ZNF16: variants seen among roughly 807,000 people sequenced by gnomAD.
ZNF16 encodes the protein zinc finger protein 16.
In ZNF16, 7 loss-of-function variants were observed where a neutral mutation model predicts 9.0. The observed-to-expected ratio is 0.78, with a 90% CI of 0.44 to 1.47. ZNF16 has a LOEUF of 1.47. ZNF16 is among the 40% of genes most tolerant of loss of function. The pLI, the probability that ZNF16 is intolerant of heterozygous loss-of-function variation, is 0.01. For synonymous variants in ZNF16, 312 were observed against 301.5 expected (o/e 1.03, Z -0.36); for missense variants, 830 against 854.2 (o/e 0.97, Z 0.35).
rs1473351047 is a variant in ZNF16, at chr8:144,933,133, C to T, written c.197-543G>A. ...GCATGCTAATGGCACTGAGCTTGGTCTTAGGAGTCACTAGTGTGGAGAGAG... is the reference window on the plus strand; with the variant it reads ...GCATGCTAATGGCACTGAGCTTGGTTTTAGGAGTCACTAGTGTGGAGAGAG... On this transcript the variant is annotated intron_variant, in intron 2 of 2. Transcript: ENST00000394909. This position sits in a 1 kb window ranked among gnomAD's most constrained non-coding sequence, Gnocchi z 5.6. Among the ~76,000 whole-genome samples the T allele has an allele frequency of 6.6e-6, 1 of 152,166 alleles. No individual in the cohort carries two copies. The highest frequency in any genetic ancestry group is 1.5e-5 in the Non-Finnish European group (1 of 68,030).
chr8:144,947,883 C>T (rs558789152), intron 1 of ZNF16: 5 of 152,616 alleles, frequency 3.3e-5, no homozygotes, highest in African/African-American at 1.2e-4. Context: ...TCCCCCACCC[C>T]TCACTGTGTA....
chr8:144,934,541 T>C (rs763121203), intron 2 of ZNF16, among the ~76,000 whole-genome samples: 35 of 152,228 alleles, frequency 2.3e-4, no homozygotes, highest in Non-Finnish European at 4.6e-4. Flanking sequence ...GGCATCTACA[T>C]GCTGCTGGGC....
chr8:144,931,417 C>G lies in ZNF16; in HGVS notation c.1370G>C (p.Gly457Ala). ...TACATTACACACGTGAGGCTTTTCT[C>G]CAGTGTGAATTCTCCGATGCTGAAT... ...SLIQHRRIHT[G>A]EKPHVCNVCG... The change falls in exon 3 of 3, where the codon GGA (glycine) becomes GCA (alanine). Residue 457 changes from glycine (G) to alanine (A), a missense_variant. Physicochemically the swap from Gly to Ala is moderately conservative, Grantham distance 60 (BLOSUM62 0). Coordinates refer to ENST00000394909, the MANE Select transcript of ZNF16 (RefSeq NM_006958.3). The G allele has an allele frequency of 6.2e-7, 1 of 1,614,134 alleles. No individual in the cohort carries two copies. The highest frequency in any genetic ancestry group is 8.5e-7 in the Non-Finnish European group (1 of 1,180,030).
In ZNF16 at chr8:144,932,728, A is replaced by T; in HGVS notation, c.197-138T>A. The T allele has an allele frequency of 3.8e-6, 3 of 791,846 alleles. No individual in the cohort carries two copies. The highest frequency in any genetic ancestry group is 5.9e-6 in the Non-Finnish European group (3 of 504,416). The allele number at this position is 791,846 out of a possible 1,614,324, so 49.1% of individuals were successfully genotyped here. On this transcript the variant is annotated intron_variant, in intron 2 of 2. Transcript: ENST00000394909. The surrounding 1 kb of genome is among the most constrained non-coding windows in gnomAD (Gnocchi z 5.0). ...CCTCTGGGGTGGCAGTCCAGATCAG[A>T]GGGCATCAGGGAGGGGTGGGAGGAG...
At chr8:144,940,054 A>T (rs1214374791) in intron 2 of ZNF16, among the ~76,000 whole-genome samples, 1 of 151,988 alleles carries the variant, frequency 6.6e-6, no homozygotes, top group African/African-American at 2.4e-5. Context: ...TAAAAGATTT[A>T]TACTTTTAAA....
chr8:144,934,110 T>G (rs764532146), intron 2 of ZNF16, among the ~76,000 whole-genome samples: 3 of 152,304 alleles, frequency 2.0e-5, no homozygotes, highest in Non-Finnish European at 4.4e-5. Flanking sequence ...CAGTCTGGAA[T>G]TGTCTGTTCC....
At position 144,946,214 on chromosome 8, in the gene ZNF16, A is replaced by G. The variant is rs764408671; in HGVS notation, c.-8T>C. On this transcript the variant is annotated splice_region_variant and 5_prime_UTR_variant, in exon 2 of 3. Transcript: ENST00000394909. Reference sequence around the variant, plus strand: ...AGTTCTGAGGCTGGGCATGACAAGGACCTGAAAACCGGCAAGAACACAGGT... The same window carrying G: ...AGTTCTGAGGCTGGGCATGACAAGGGCCTGAAAACCGGCAAGAACACAGGT... 1.3e-6 allele frequency: 2 copies of G among 1,503,506 alleles called. No individual in the cohort carries two copies. Among genetic ancestry groups the G allele is most frequent in the Admixed American group, 4.1e-5 (2 of 48,448 alleles). The allele number at this position is 1,503,506 out of a possible 1,614,324, so 93.1% of individuals were successfully genotyped here.
chr8:144,937,905 C>T (rs954661272), intron 2 of ZNF16, among the ~76,000 whole-genome samples: 8 of 152,064 alleles, frequency 5.3e-5, no homozygotes, highest in African/African-American at 7.2e-5. Context: ...TGGCCTCAAG[C>T]GATCCTCTCA....
At position 144,931,459 on chromosome 8, in the gene ZNF16, C is replaced by T. The variant is rs753629843; in HGVS notation, c.1328G>A (p.Ser443Asn). The T allele has an allele frequency of 3.3e-5, 53 of 1,614,066 alleles. No individual in the cohort carries two copies. The Admixed American group carries it at 3.5e-4, about 11-fold the overall frequency. Residue 443 changes from serine to asparagine, a missense_variant, in exon 3 of 3, where the codon AGT becomes AAT. Physicochemically the swap from Ser to Asn is conservative, Grantham distance 46. Transcript: ENST00000394909. ...ATGCTGAATAAGGCTGGAGCTCTGA[C>T]TAAATGCTTTCCCACAGTCACTGCA... ...YKCSDCGKAF[S>N]QSSSLIQHRR...
rs1586965100 is a variant in ZNF16, at chr8:144,950,610, G to A, written c.-10+187C>T. ...CCAGAGGCTCTGACCTCCAGCCCAG[G>A]CCGAGCTGCCCCCGCCCCGCCCCCC... On this transcript the variant is annotated intron_variant, in intron 1 of 2. Transcript: ENST00000394909. 2.6e-5 allele frequency: 4 copies of A among 151,510 alleles called. No individual in the cohort carries two copies. The South Asian group carries it at 6.2e-4, about 24-fold the overall frequency. 9.4% of individuals were successfully genotyped at this position (151,510 alleles called of 1,614,324 possible). A position where few individuals can be genotyped will look rare whatever the true frequency, so the allele number is the denominator to read the frequency against.
rs547807758 is a variant in ZNF16 at position 144,936,408 on chromosome 8, A to C, written c.197-3818T>G. 2.5e-3 allele frequency among the ~76,000 whole-genome samples: 380 copies of C among 152,302 alleles called. 3 individuals are homozygous for C. The highest frequency in any genetic ancestry group is 3.4e-3 in the Middle Eastern group (1 of 294). ...TGTACTTGTTTGAGTATGTGTCTTC[A>C]ATTATCTTGAGTATATATCTAGGAG... On this transcript the variant is annotated intron_variant, in intron 2 of 2. Transcript: ENST00000394909.
Position 144,931,928 on chromosome 8 carries a change from G to A in ZNF16, c.859C>T (p.His287Tyr). The A allele has an allele frequency of 1.2e-6, 2 of 1,613,568 alleles. No homozygotes were observed. Among genetic ancestry groups the A allele is most frequent in the Non-Finnish European group, 1.7e-6 (2 of 1,179,562 alleles). The change falls in exon 3 of 3, where the codon CAC (histidine) becomes TAC (tyrosine). Residue 287 changes from histidine to tyrosine, a missense_variant. His to Tyr is a moderately conservative substitution (Grantham distance 83). Coordinates refer to ENST00000394909, the MANE Select transcript of ZNF16 (RefSeq NM_006958.3). ...HSDFSRHQSH[H>Y]SSERPYMCNE... ...CACATATAAGGCCTCTCACTGCTGT[G>A]GTGACTCTGATGCCTAGAAAAGTCT...
At chr8:144,940,205 A>C (rs1833769118) in intron 2 of ZNF16, among the ~76,000 whole-genome samples, 1 of 152,056 alleles carries the variant, frequency 6.6e-6, no homozygotes, top group African/African-American at 2.4e-5. Context: ...CAGCCTCCCA[A>C]GTAACTAGGA....
chr8:144,931,714 A>G lies in ZNF16; in HGVS notation c.1073T>C (p.Phe358Ser), dbSNP rs1043340050. The change falls in exon 3 of 3, where the codon TTC becomes TCC. Residue 358 changes from phenylalanine (F) to serine (S), a missense_variant. Physicochemically the swap from Phe to Ser is radical, Grantham distance 155. Transcript: ENST00000394909. ...TTTGATGAGGTTTGAGCTTCGCCTG[A>G]AGGCCTTCCCACACTCACTGCACAC... Reference protein sequence around the residue: ...PYVCSECGKAFRRSSNLIKHH... With the variant: ...PYVCSECGKASRRSSNLIKHH... The G allele has an allele frequency of 2.5e-6, 4 of 1,613,878 alleles. No individual in the cohort carries two copies. The highest frequency in any genetic ancestry group is 2.7e-5 in the African/African-American group (2 of 74,886).
intron 2 of ZNF16, among the ~76,000 whole-genome samples, chr8:144,939,988 C>A (rs1435262946): frequency 6.6e-6 from 1 of 152,066 alleles, no homozygotes; most frequent in Non-Finnish European, 1.5e-5. Context: ...TCTAATCCTT[C>A]TTTTTTCTTC....
rs143327029 is a variant in ZNF16, at chr8:144,930,795, T to C, written c.1992A>G (p.Lys664=). 34 of 1,550,678 alleles carry C rather than the reference T, an allele frequency of 2.2e-5. No homozygotes were observed. The highest frequency in any genetic ancestry group is 1.4e-5 in the African/African-American group (1 of 72,728). ...TCAACTTTGATCGCTGGCTGAAGGC[T>C]TTCCCACAAGCAGCACAGTCATAGG... ...VKPYDCAACG[K]AFSQRSKLIK... The change falls in exon 3 of 3, where the codon AAA becomes AAG. Residue 664 remains lysine (K), a synonymous_variant. Transcript: ENST00000394909.
chr8:144,930,888 C>T lies in ZNF16; in HGVS notation c.1899G>A (p.Glu633=), dbSNP rs1289279295. The T allele has an allele frequency of 1.2e-6, 2 of 1,609,228 alleles. No homozygotes were observed. The highest frequency in any genetic ancestry group is 2.2e-5 in the East Asian group (1 of 44,844). Residue 633 remains glutamate (E), a synonymous_variant, in exon 3 of 3, where the codon GAG becomes GAA. Coordinates refer to ENST00000394909, the MANE Select transcript of ZNF16 (RefSeq NM_006958.3). ...AACGCTGACTGAAGGCTTTCCCACA[C>T]TCACTGCATTTGTAGGGGCGCTCGC... ...HTGERPYKCS[E]CGKAFSQRSV... is the part of the protein sequence containing the mutation.
chr8:144,938,843 A>G (rs967691136), intron 2 of ZNF16, among the ~76,000 whole-genome samples: 1 of 151,936 alleles, frequency 6.6e-6, no homozygotes, highest in African/African-American at 2.4e-5. Flanking sequence ...GTTCTTCACT[A>G]CTGTGTATGA....
chr8:144,934,232 G>T (rs1833628708), intron 2 of ZNF16, among the ~76,000 whole-genome samples: 1 of 152,190 alleles, frequency 6.6e-6, no homozygotes, highest in Non-Finnish European at 1.5e-5. Flanking sequence ...GACACTTCAT[G>T]TTGGGTCACT....
Sources: allele counts gnomAD v4.1 joint callset (sites outside exome capture counted in the v4.1 genomes callset), GRCh38; gene constraint gnomAD v4.1.1; non-coding constraint Gnocchi (gnomAD v3.1); transcripts MANE v1.5; gene names NCBI Gene and HGNC (gene_info 2026-07-23, HGNC 2026-07-21).